Variants in KCNIP1 observed in about 807,000 individuals in gnomAD.
KCNIP1 encodes the protein A-type potassium channel modulatory protein KCNIP1.
Under a neutral mutation model 33.0 loss-of-function variants are expected in KCNIP1, and 18 were observed. That is an observed-to-expected ratio of 0.55 (90% confidence interval 0.38 to 0.81). The LOEUF is 0.81. KCNIP1 is among the 30% of genes least tolerant of loss of function. KCNIP1 has a pLI of 0.00. For synonymous variants in KCNIP1, 93 were observed against 98.3 expected, an observed-to-expected ratio of 0.95 and a Z score of 0.32; for missense variants, 238 against 271.6, an observed-to-expected ratio of 0.88 and a Z score of 0.87.
chr5:170,451,255 G>A (rs1222873359), intron 1 of KCNIP1, among the ~76,000 whole-genome samples: 1 of 152,154 alleles, frequency 6.6e-6, no homozygotes, highest in Non-Finnish European at 1.5e-5. Context: ...GGGCTAATGG[G>A]AGTAACTGTT....
intron 1 of KCNIP1, among the ~76,000 whole-genome samples, chr5:170,444,247 G>A (rs532633719): frequency 1.3e-5 from 2 of 152,108 alleles, no homozygotes; most frequent in African/African-American, 4.8e-5. Flanking sequence ...GGGTCCTGGG[G>A]GAAGCCTGTT....
intron 1 of KCNIP1, among the ~76,000 whole-genome samples, chr5:170,444,830 T>C (rs1756075033): frequency 6.6e-6 from 1 of 152,158 alleles, no homozygotes; most frequent in Admixed American, 6.5e-5. Context: ...ATTGACATTG[T>C]TGCATTACTT....
intron 1 of KCNIP1, 64 bp from the exon 2 acceptor site, chr5:170,718,694 A>G (rs1208339744): frequency 1.9e-6 from 3 of 1,601,416 alleles, no homozygotes; most frequent in Non-Finnish European, 2.6e-6. Flanking sequence ...GACAGCCCAG[A>G]TTGTTACCTA....
At chr5:170,486,087 C>T (rs1190211628) in intron 1 of KCNIP1, 1 of 152,274 alleles carries the variant, frequency 6.6e-6, no homozygotes. Flanking sequence ...TTTTTTCCCC[C>T]AGATGTTGCA....
intron 5 of KCNIP1, among the ~76,000 whole-genome samples, chr5:170,731,774 A>C (rs979042231): frequency 6.6e-6 from 1 of 151,908 alleles, no homozygotes; most frequent in Non-Finnish European, 1.5e-5. Flanking sequence ...ACAACAAATA[A>C]ATGCAATGTA....
At chr5:170,600,222 C>A (rs1397625025) in intron 1 of KCNIP1, among the ~76,000 whole-genome samples, 1 of 149,208 alleles carries the variant, frequency 6.7e-6, no homozygotes, top group Non-Finnish European at 1.5e-5. Context: ...GTACTTAAGT[C>A]GACCAGCCCT....
intron 1 of KCNIP1, chr5:170,639,113 A>G (rs1760423749): frequency 6.6e-6 from 1 of 152,238 alleles, no homozygotes; most frequent in African/African-American, 2.4e-5. Context: ...TGGCCACTAC[A>G]GCTGCTGATG....
Position 170,496,384 on chromosome 5 carries a change from G to A in KCNIP1, c.88+142420G>A, listed in dbSNP as rs79030007. Among the ~76,000 whole-genome samples the A allele has an allele frequency of 4.9e-3, 742 of 152,290 alleles. 9 individuals carry two copies. The highest frequency in any genetic ancestry group is 0.017 in the African/African-American group (696 of 41,558). On this transcript the variant is annotated intron_variant, in intron 1 of 7. Coordinates refer to the KCNIP1 transcript ENST00000377360. ...GAGCTACATGCAGAGTGTGAGCTCC[G>A]GAGTCAGACCAGCTGAGTTCAAGGC...
chr5:170,408,228 TA>T (rs1755087941), intron 1 of KCNIP1, among the ~76,000 whole-genome samples: 2 of 152,158 alleles, frequency 1.3e-5, no homozygotes, highest in Admixed American at 1.3e-4. Flanking sequence ...TACTAGATGA[TA>T]GAAGGAGATT....
chr5:170,641,565 C>A (rs1760560331), intron 1 of KCNIP1, among the ~76,000 whole-genome samples: 1 of 152,206 alleles, frequency 6.6e-6, no homozygotes, highest in African/African-American at 2.4e-5. Flanking sequence ...TGCCTCTCAA[C>A]CCTCTGCTGG....
At chr5:170,703,305 A>G (rs1313637283) in intron 1 of KCNIP1, among the ~76,000 whole-genome samples, 2 of 138,222 alleles carry the variant, frequency 1.4e-5, no homozygotes, top group African/African-American at 5.3e-5. Context: ...GATGACTCTA[A>G]CAACAGCTCT....
chr5:170,582,753 A>G (rs190095792), intron 1 of KCNIP1, among the ~76,000 whole-genome samples: 35 of 152,294 alleles, frequency 2.3e-4, no homozygotes, highest in African/African-American at 8.2e-4. Flanking sequence ...TTCTTCATGG[A>G]GTTTCCCAAA....
intron 1 of KCNIP1, among the ~76,000 whole-genome samples, chr5:170,591,487 T>C (rs1251159087): frequency 6.6e-6 from 1 of 152,182 alleles, no homozygotes; most frequent in East Asian, 1.9e-4. Context: ...CATTTTGGAG[T>C]GCGCAGTTCA....
chr5:170,643,311 C>T (rs1387606782), intron 1 of KCNIP1, among the ~76,000 whole-genome samples: 2 of 152,252 alleles, frequency 1.3e-5, no homozygotes, highest in Non-Finnish European at 2.9e-5. Context: ...CAACTGACTC[C>T]ACATTTCTGG....
chr5:170,552,082 C>T (rs534757458), intron 1 of KCNIP1, among the ~76,000 whole-genome samples: 2 of 151,924 alleles, frequency 1.3e-5, no homozygotes, highest in South Asian at 4.2e-4. Flanking sequence ...GGACCAGTCC[C>T]CTACTGCGTA....
chr5:170,437,172 A>G (rs1581191719), intron 1 of KCNIP1, among the ~76,000 whole-genome samples: 1 of 152,228 alleles, frequency 6.6e-6, no homozygotes, highest in Non-Finnish European at 1.5e-5. Context: ...GCGTCTCTGC[A>G]TCTTCATAGA....
intron 5 of KCNIP1, among the ~76,000 whole-genome samples, chr5:170,729,658 G>A (rs1379557930): frequency 6.6e-6 from 1 of 152,012 alleles, no homozygotes. Context: ...CACTAAGAAA[G>A]TAATGTATAT....
Position 170,437,649 on chromosome 5 carries a change from G to A in KCNIP1, c.88+83685G>A, listed in dbSNP as rs928973269. On this transcript the variant is annotated intron_variant, in intron 1 of 7. Coordinates refer to the KCNIP1 transcript ENST00000377360. ...CTCAGAGACAGGAGGTGGACCGGCC[G>A]GAGCAGAACGGACCCTCCCCTTCAA... 1.1e-3 allele frequency among the ~76,000 whole-genome samples: 168 copies of A among 152,262 alleles called. 1 individual carries two copies. Among genetic ancestry groups the A allele is most frequent in the Admixed American group, 0.011 (165 of 15,304 alleles).
chr5:170,712,855 C>T (rs751346147), intron 1 of KCNIP1: 1 of 1,613,872 alleles, frequency 6.2e-7, no homozygotes, highest in East Asian at 2.2e-5. Context: ...CTTTCCTAGA[C>T]ATCGCCTGGT....
Sources: gnomAD v4.1 joint callset for allele counts (sites outside exome capture counted in the v4.1 genomes callset) on GRCh38, gnomAD v4.1.1 for gene constraint, MANE v1.5 for transcripts, NCBI Gene and HGNC (gene_info 2026-07-23, HGNC 2026-07-21) for gene names.